The following RSF1 variants were observed in gnomAD, a reference collection of about 807,000 sequenced individuals.
RSF1 encodes remodeling and spacing factor 1.
RSF1 carries 13 observed loss-of-function variants against 145.2 expected under a neutral mutation model. The ratio of observed to expected loss-of-function variants is 0.09; its 90% CI spans 0.06 to 0.14. RSF1 has a LOEUF of 0.14. Ranked by LOEUF, RSF1 falls within the 10% of genes least tolerant of loss-of-function variation. The probability of loss-of-function intolerance (pLI) is 1.00; values close to 1 mark genes in which losing one functional copy is unlikely to be tolerated. For synonymous variants in RSF1, 577 were observed against 592.6 expected (o/e 0.97, Z 0.38); for missense variants, 1,517 against 1,718.2 (o/e 0.88, Z 2.07).
intron 1 of RSF1, chr11:77,813,476 T>A: frequency 9.7e-7 from 1 of 1,027,754 alleles, no homozygotes; most frequent in South Asian, 1.3e-5. Flanking sequence ...CCACAAGGAC[T>A]TTTTCTGTAG....
the RSF1 span, among the ~76,000 whole-genome samples, chr11:77,828,935 G>A: frequency 6.6e-6 from 1 of 152,138 alleles, no homozygotes; most frequent in South Asian, 2.1e-4. Context: ...TTCAGATGAT[G>A]AACAAAGTTG....
intron 1 of RSF1, among the ~76,000 whole-genome samples, chr11:77,795,113 G>T (rs1400635666): frequency 6.6e-6 from 1 of 151,962 alleles, no homozygotes; most frequent in African/African-American, 2.4e-5. Context: ...AAAAAAAAAT[G>T]AAATACCTAC....
chr11:77,682,329 T>C (rs1395178783), intron 11 of RSF1, among the ~76,000 whole-genome samples: 1 of 152,228 alleles, frequency 6.6e-6, no homozygotes, highest in African/African-American at 2.4e-5. Flanking sequence ...TAAAATCCAC[T>C]GTTTTCCTTT....
intron 10 of RSF1, among the ~76,000 whole-genome samples, 158 bp from the exon 11 acceptor site, chr11:77,683,977 G>T (rs1430009751): frequency 6.6e-6 from 1 of 152,206 alleles, no homozygotes; most frequent in Non-Finnish European, 1.5e-5. Flanking sequence ...TGGCAACACT[G>T]AGTATACAGA....
intron 1 of RSF1, among the ~76,000 whole-genome samples, chr11:77,809,714 TG>T (rs1298953037): frequency 6.6e-6 from 1 of 152,236 alleles, no homozygotes; most frequent in African/African-American, 2.4e-5. Context: ...AAGACTTTAA[TG>T]GGAATATAAA....
chr11:77,699,928 G>GCCATTAACAAGCAAAAGAC (rs1960373137), intron 6 of RSF1, among the ~76,000 whole-genome samples: 1 of 152,086 alleles, frequency 6.6e-6, no homozygotes, highest in South Asian at 2.1e-4. Context: ...AAGCAAAAGG[G>GCCATTAACAAGCAAAAGAC]ATACTATATC....
chr11:77,835,551 TCTC>T, the RSF1 span, among the ~76,000 whole-genome samples: 1 of 152,242 alleles, frequency 6.6e-6, no homozygotes, highest in Admixed American at 6.5e-5. Flanking sequence ...TGACATTTTA[TCTC>T]CCAGGAAGTT....
upstream of RSF1, among the ~76,000 whole-genome samples, chr11:77,825,806 C>G (rs1346451105): frequency 3.3e-5 from 5 of 151,984 alleles, no homozygotes; most frequent in African/African-American, 4.8e-5. Context: ...ATTCTCCTGC[C>G]TCAGCCTCCC....
At chr11:77,812,445 G>A (rs1028365439) in intron 1 of RSF1, among the ~76,000 whole-genome samples, 2 of 152,154 alleles carry the variant, frequency 1.3e-5, no homozygotes, top group African/African-American at 2.4e-5. Flanking sequence ...CCTCCACTAC[G>A]AAAGCTTTCT....
the RSF1 span, among the ~76,000 whole-genome samples, chr11:77,834,802 G>A: frequency 6.6e-6 from 1 of 152,150 alleles, no homozygotes; most frequent in Non-Finnish European, 1.5e-5. Context: ...TCAAGATAAG[G>A]AGGTATAATG....
At chr11:77,769,220 G>T (rs888221392) in intron 1 of RSF1, among the ~76,000 whole-genome samples, 1 of 151,972 alleles carries the variant, frequency 6.6e-6, no homozygotes. Flanking sequence ...ACCACACCTC[G>T]GCCTCCCAAA....
intron 1 of RSF1, among the ~76,000 whole-genome samples, chr11:77,767,247 G>A (rs1948235863): frequency 6.6e-6 from 1 of 152,100 alleles, no homozygotes. Flanking sequence ...CACAAACACA[G>A]AAGTATTGAT....
the RSF1 span, chr11:77,842,634 A>T: frequency 6.2e-7 from 1 of 1,613,570 alleles, no homozygotes; most frequent in Admixed American, 1.7e-5. Flanking sequence ...CTGAGGTAAG[A>T]TATTAGTCTT....
chr11:77,707,061 C>T (rs985816610), intron 5 of RSF1, among the ~76,000 whole-genome samples: 5 of 152,296 alleles, frequency 3.3e-5, no homozygotes, highest in South Asian at 2.1e-4. Context: ...AAGGAATTAA[C>T]GGCTCCTTTT....
At chr11:77,856,481 C>T in the RSF1 span, among the ~76,000 whole-genome samples, 2 of 152,164 alleles carry the variant, frequency 1.3e-5, no homozygotes, top group Non-Finnish European at 2.9e-5. Flanking sequence ...ATACCCCCTT[C>T]CTGGTACCAA....
At chr11:77,869,229 CA>C in the RSF1 span, 2 of 192,958 alleles carry the variant, frequency 1.0e-5, no homozygotes, top group Non-Finnish European at 2.1e-5. Flanking sequence ...TTGTTCCAGC[CA>C]AAAGGTCCTG....
At chr11:77,699,971 T>G (rs1293092385) in intron 6 of RSF1, among the ~76,000 whole-genome samples, 2 of 152,076 alleles carry the variant, frequency 1.3e-5, no homozygotes. Flanking sequence ...ACACTTTAAG[T>G]GAAAAACTCA....
intron 2 of RSF1, among the ~76,000 whole-genome samples, chr11:77,760,137 A>G (rs955625712): frequency 4.6e-5 from 7 of 152,232 alleles, no homozygotes; most frequent in Admixed American, 4.6e-4. Flanking sequence ...AAATGTCCAT[A>G]GCAGCATTAT....
At chr11:77,750,980 A>G (rs1948056701) in intron 2 of RSF1, among the ~76,000 whole-genome samples, 1 of 152,050 alleles carries the variant, frequency 6.6e-6, no homozygotes, top group Admixed American at 6.6e-5. Flanking sequence ...AAAGTCAAAT[A>G]TTTGGCCAGG....
Sources: gnomAD v4.1 joint callset for allele counts (sites outside exome capture counted in the v4.1 genomes callset) on GRCh38, gnomAD v4.1.1 for gene constraint, MANE v1.5 for transcripts, NCBI Gene and HGNC (gene_info 2026-07-23, HGNC 2026-07-21) for gene names.